CLPB: variants seen among roughly 807,000 people sequenced by gnomAD.
CLPB encodes the protein mitochondrial disaggregase.
A neutral mutation model predicts 78.4 loss-of-function variants in CLPB; 40 were observed. The observed-to-expected ratio is 0.51, with a 90% CI of 0.40 to 0.66. The LOEUF (loss-of-function observed/expected upper bound fraction) is 0.66, where lower values mean the gene tolerates loss of function less well. Among genes scored for constraint, CLPB ranks in the 30% least tolerant of loss-of-function variants. The pLI, the probability that CLPB is intolerant of heterozygous loss-of-function variation, is 0.00. For missense variants in CLPB, 780 were observed against 886.9 expected (o/e 0.88, Z 1.53); for synonymous variants, 333 against 348.0 (o/e 0.96, Z 0.48).
intron 3 of CLPB, among the ~76,000 whole-genome samples, chr11:72,392,990 G>C (rs1164773565): frequency 6.6e-6 from 1 of 152,204 alleles, no homozygotes; most frequent in Non-Finnish European, 1.5e-5. Flanking sequence ...AGCTAGCTGG[G>C]ATAAGAAGGA....
intron 4 of CLPB, among the ~76,000 whole-genome samples, chr11:72,369,114 T>C (rs1950996940): frequency 6.6e-6 from 1 of 152,176 alleles, no homozygotes; most frequent in Admixed American, 6.5e-5. Flanking sequence ...AGACAGGCTA[T>C]TGTCCCTGCC....
intron 5 of CLPB, among the ~76,000 whole-genome samples, chr11:72,343,534 T>C (rs1950458911): frequency 6.6e-6 from 1 of 152,196 alleles, no homozygotes; most frequent in South Asian, 2.1e-4. Context: ...TTCCAGTTTA[T>C]GCACCTTCTT....
intron 4 of CLPB, among the ~76,000 whole-genome samples, chr11:72,360,821 C>T (rs556194413): frequency 4.1e-4 from 62 of 152,154 alleles, no homozygotes; most frequent in Middle Eastern, 3.2e-3. Context: ...TCATAATTAC[C>T]TTACATAGTA....
At chr11:72,374,965 C>T (rs1024458631) in intron 4 of CLPB, among the ~76,000 whole-genome samples, 4 of 152,174 alleles carry the variant, frequency 2.6e-5, no homozygotes, top group African/African-American at 9.7e-5. Context: ...TCTCCAGACC[C>T]ACATATCTAA....
At chr11:72,342,667 A>C (rs1405811350) in intron 5 of CLPB, among the ~76,000 whole-genome samples, 2 of 152,110 alleles carry the variant, frequency 1.3e-5, no homozygotes, top group Non-Finnish European at 2.9e-5. Context: ...AAAGTGCACT[A>C]TCAGAGCCAG....
chr11:72,377,259 C>G (rs1854735907), intron 4 of CLPB, among the ~76,000 whole-genome samples: 1 of 152,146 alleles, frequency 6.6e-6, no homozygotes, highest in South Asian at 2.1e-4. Context: ...TGACCATGTG[C>G]TCTAGGACTC....
At chr11:72,337,355 G>A (rs1344925552) in intron 5 of CLPB, among the ~76,000 whole-genome samples, 2 of 149,250 alleles carry the variant, frequency 1.3e-5, no homozygotes, top group Non-Finnish European at 3.0e-5. Flanking sequence ...CATAGCCTGT[G>A]CTGACAACGG....
chr11:72,417,011 C>G (rs1450283316), intron 2 of CLPB, among the ~76,000 whole-genome samples: 3 of 152,124 alleles, frequency 2.0e-5, no homozygotes, highest in African/African-American at 7.2e-5. Context: ...AATGGTTGGG[C>G]AGTTCCTCAA....
chr11:72,293,885 G>T, intron 15 of CLPB, 137 bp downstream of exon 15: 2 of 796,028 alleles, frequency 2.5e-6, no homozygotes, highest in Non-Finnish European at 4.1e-6. Flanking sequence ...TTATGGTTCT[G>T]AATGGGCATC....
chr11:72,411,071 C>G (rs1304737219), intron 2 of CLPB, among the ~76,000 whole-genome samples: 2 of 152,244 alleles, frequency 1.3e-5, no homozygotes, highest in Non-Finnish European at 2.9e-5. Context: ...GTCCACAGGT[C>G]TAACTTCCCC....
chr11:72,419,958 T>TA (rs961659029), intron 2 of CLPB, among the ~76,000 whole-genome samples: 1 of 152,242 alleles, frequency 6.6e-6, no homozygotes, highest in Admixed American at 6.5e-5. Context: ...GTTTAATGAA[T>TA]AAACGATTGA....
chr11:72,391,496 C>G (rs914172907), intron 3 of CLPB, among the ~76,000 whole-genome samples: 2 of 152,222 alleles, frequency 1.3e-5, no homozygotes, highest in Non-Finnish European at 2.9e-5. Flanking sequence ...CAGCTCCCTG[C>G]CCAGTGCCTG....
Position 72,434,447 on chromosome 11 carries a change from T to C in CLPB, c.28A>G (p.Lys10Glu), listed in dbSNP as rs1396760216. The C allele has an allele frequency of 1.9e-6, 3 of 1,569,492 alleles. No individual in the cohort carries two copies. Among genetic ancestry groups the C allele is most frequent in the Non-Finnish European group, 2.6e-6 (3 of 1,154,798 alleles). The change falls in exon 1 of 16, where the codon AAA (lysine) becomes GAA (glutamate). Residue 10 changes from lysine to glutamate, a missense_variant. This residue lies in a region of CLPB where 417 missense variants were observed against 414.7 expected (regional missense o/e 1.01). Transcript: ENST00000538039. The stretch of plus-strand genomic sequence containing the variant: ...AGGAGTAGCCGTGGCGCCAGTGCTT[T>C]TCTCCTCAACACCAGGGACCCCAGC... MLGSLVLRR[K>E]ALAPRLLLRL...
chr11:72,385,332 C>G (rs1412530869), intron 3 of CLPB, among the ~76,000 whole-genome samples: 2 of 151,952 alleles, frequency 1.3e-5, no homozygotes, highest in Non-Finnish European at 2.9e-5. Context: ...TTTTTTCCTT[C>G]TAATAAAAAA....
rs1422499140 is a variant in CLPB at position 72,434,507 on chromosome 11, G to T, written c.-33C>A. ...GCTGCTTCGATAACCCCGTGGTGCC[G>T]GCCCCTGTGCTGACCACGTCCAACA... On this transcript the variant is annotated 5_prime_UTR_variant, in exon 1 of 16. Coordinates refer to ENST00000538039, the MANE Select transcript of CLPB (RefSeq NM_001258392.3). 2.0e-6 allele frequency: 3 copies of T among 1,520,304 alleles called. No individual in the cohort carries two copies. The highest frequency in any genetic ancestry group is 2.6e-6 in the Non-Finnish European group (3 of 1,133,824). 94.2% of individuals were successfully genotyped at this position (1,520,304 alleles called of 1,614,324 possible). A position where few individuals can be genotyped will look rare whatever the true frequency, so the allele number is the denominator to read the frequency against.
chr11:72,308,781 C>G (rs1342289292), intron 7 of CLPB, among the ~76,000 whole-genome samples, 177 bp from the exon 8 acceptor site: 1 of 152,172 alleles, frequency 6.6e-6, no homozygotes, highest in South Asian at 2.1e-4. Context: ...CCTAGAGACA[C>G]GTAATCAGGT....
chr11:72,433,319 G>A (rs1412401645), intron 1 of CLPB, among the ~76,000 whole-genome samples: 1 of 152,098 alleles, frequency 6.6e-6, no homozygotes, highest in African/African-American at 2.4e-5. Flanking sequence ...CAGTACTTTG[G>A]GAGGCCAAGG....
At chr11:72,415,808 A>C (rs182960198) in intron 2 of CLPB, among the ~76,000 whole-genome samples, 3 of 152,314 alleles carry the variant, frequency 2.0e-5, no homozygotes, top group African/African-American at 7.2e-5. Flanking sequence ...TATTAATAGA[A>C]GTATAAAATC....
chr11:72,431,267 CT>C (rs1856538739), intron 1 of CLPB, among the ~76,000 whole-genome samples: 1 of 152,228 alleles, frequency 6.6e-6, no homozygotes, highest in Non-Finnish European at 1.5e-5. Flanking sequence ...ATGGAGCCCT[CT>C]GTGCCCAGCC....
Sources: allele counts gnomAD v4.1 joint callset (sites outside exome capture counted in the v4.1 genomes callset), GRCh38; gene constraint gnomAD v4.1.1; regional missense constraint gnomAD v4.1.1; transcripts MANE v1.5; gene names NCBI Gene and HGNC (gene_info 2026-07-23, HGNC 2026-07-21).